Variants in LRMDA observed in about 807,000 individuals in gnomAD.
The protein encoded by LRMDA is leucine rich melanocyte differentiation associated.
A neutral mutation model predicts 29.8 loss-of-function variants in LRMDA; 18 were observed. The ratio of observed to expected loss-of-function variants is 0.60; its 90% confidence interval spans 0.42 to 0.90. The LOEUF is 0.90. Ranked by LOEUF, LRMDA falls within the 40% of genes least tolerant of loss-of-function variation. The probability of loss-of-function intolerance (pLI) is 0.00; values close to 1 mark genes in which losing one functional copy is unlikely to be tolerated. For missense variants in LRMDA, 273 were observed against 273.9 expected (o/e 1.00, Z 0.02); for synonymous variants, 125 against 109.4 (o/e 1.14, Z -0.89).
At chr10:76,320,474 T>C (rs1015661809) in intron 5 of LRMDA, among the ~76,000 whole-genome samples, 62 of 152,140 alleles carry the variant, frequency 4.1e-4, no homozygotes, top group African/African-American at 1.2e-3. Flanking sequence ...GGATATTTCA[T>C]CACAAAAAGT....
rs557409675 is a variant in LRMDA, at chr10:75,624,930, T to C, written c.131+186436T>C. Among the ~76,000 whole-genome samples the C allele has an allele frequency of 2.1e-4, 32 of 152,300 alleles. 1 individual carries two copies. The South Asian group carries it at 6.2e-3, about 30-fold the overall frequency. On this transcript the variant is annotated intron_variant, in intron 2 of 6. Coordinates refer to ENST00000611255, the MANE Select transcript of LRMDA (RefSeq NM_001305581.2). ...AACAATCCAGGAGACTTGTGGGCCA[T>C]GAAAAAGCCCCATTATTATAAATTG...
chr10:75,782,683 A>G, intron 2 of LRMDA: 5 of 1,183,704 alleles, frequency 4.2e-6, no homozygotes, highest in Non-Finnish European at 5.3e-6. Flanking sequence ...GTGCAGTTCC[A>G]AGTAGAGTCA....
intron 6 of LRMDA, among the ~76,000 whole-genome samples, chr10:76,488,922 A>G (rs1369374239): frequency 2.0e-5 from 3 of 151,886 alleles, no homozygotes; most frequent in Non-Finnish European, 4.4e-5. Flanking sequence ...TTTTGCATCA[A>G]TATTCATCAG....
At chr10:75,507,083 C>G (rs1414272408) in intron 2 of LRMDA, among the ~76,000 whole-genome samples, 1 of 150,922 alleles carries the variant, frequency 6.6e-6, no homozygotes. Context: ...GTTTGCTCAG[C>G]AGTGTACAAG....
intron 2 of LRMDA, among the ~76,000 whole-genome samples, chr10:75,923,759 C>T (rs1846067487): frequency 6.6e-6 from 1 of 152,122 alleles, no homozygotes; most frequent in Non-Finnish European, 1.5e-5. Context: ...CTTAAGACTC[C>T]TCTGTGTGTG....
chr10:76,259,332 G>T (rs918392205), intron 5 of LRMDA, among the ~76,000 whole-genome samples: 2 of 151,984 alleles, frequency 1.3e-5, no homozygotes, highest in Admixed American at 1.3e-4. Context: ...CTCATTGGTT[G>T]TTCAGGAGTA....
At chr10:75,890,724 A>G (rs540494461) in intron 2 of LRMDA, among the ~76,000 whole-genome samples, 2 of 152,162 alleles carry the variant, frequency 1.3e-5, no homozygotes, top group Non-Finnish European at 2.9e-5. Context: ...TGGCCATGGT[A>G]TAGAGCTACT....
Position 76,047,160 on chromosome 10 carries a change from TC to T in LRMDA, c.259-3del. On this transcript the variant is annotated splice_polypyrimidine_tract_variant and splice_region_variant and intron_variant, in intron 3 of 6. Coordinates refer to ENST00000611255, the MANE Select transcript of LRMDA (RefSeq NM_001305581.2). ...ACTGGACCAAGATTCTTAACCTTTGTCACATCACTGATTTGGAGAACCTGCT... is the reference window on the plus strand; with the variant it reads ...ACTGGACCAAGATTCTTAACCTTTGTACATCACTGATTTGGAGAACCTGCT... The T allele has an allele frequency of 1.2e-6, 2 of 1,613,960 alleles. No homozygotes were observed. Among genetic ancestry groups the T allele is most frequent in the Non-Finnish European group, 1.7e-6 (2 of 1,179,914 alleles).
intron 6 of LRMDA, among the ~76,000 whole-genome samples, chr10:76,356,965 A>G (rs1841248312): frequency 6.6e-6 from 1 of 152,176 alleles, no homozygotes; most frequent in South Asian, 2.1e-4. Context: ...GTTGGTAACA[A>G]AGAAAGTTGG....
At chr10:76,219,392 T>C (rs1314659759) in intron 5 of LRMDA, among the ~76,000 whole-genome samples, 2 of 151,878 alleles carry the variant, frequency 1.3e-5, no homozygotes, top group African/African-American at 2.4e-5. Flanking sequence ...GAGACACACA[T>C]AGGCTCAAAA....
chr10:75,622,943 T>C (rs748261600), intron 2 of LRMDA, among the ~76,000 whole-genome samples: 1 of 152,246 alleles, frequency 6.6e-6, no homozygotes, highest in South Asian at 2.1e-4. Flanking sequence ...AAATAAATTA[T>C]GTACAAGGTA....
intron 5 of LRMDA, among the ~76,000 whole-genome samples, chr10:76,107,807 G>C (rs1459780058): frequency 6.6e-6 from 1 of 152,134 alleles, no homozygotes; most frequent in East Asian, 1.9e-4. Context: ...TGCAGAATGT[G>C]CATGTTTGTT....
At chr10:76,478,923 A>T (rs1248729375) in intron 6 of LRMDA, among the ~76,000 whole-genome samples, 1 of 151,588 alleles carries the variant, frequency 6.6e-6, no homozygotes. Flanking sequence ...GGGGAGGGAT[A>T]GCATTAGGAG....
chr10:76,479,051 A>AATAT (rs941170783), intron 6 of LRMDA, among the ~76,000 whole-genome samples: 1 of 151,562 alleles, frequency 6.6e-6, no homozygotes, highest in South Asian at 2.1e-4. Context: ...GTATAATAAA[A>AATAT]ATATATATAT....
At chr10:75,834,413 T>G (rs1236153781) in intron 2 of LRMDA, among the ~76,000 whole-genome samples, 2 of 152,232 alleles carry the variant, frequency 1.3e-5, no homozygotes, top group African/African-American at 4.8e-5. Flanking sequence ...ACCCTGGCTT[T>G]CTTTCTAGAG....
chr10:76,226,364 C>G (rs1209136293), intron 5 of LRMDA, among the ~76,000 whole-genome samples: 2 of 152,026 alleles, frequency 1.3e-5, no homozygotes, highest in South Asian at 4.1e-4. Flanking sequence ...GGGTGGATCA[C>G]CTGAGGTCGG....
At chr10:76,401,296 G>A (rs755234758) in intron 6 of LRMDA, among the ~76,000 whole-genome samples, 8 of 152,180 alleles carry the variant, frequency 5.3e-5, no homozygotes, top group Non-Finnish European at 5.9e-5. Flanking sequence ...GAAGTGGTTT[G>A]TGGAACTATT....
intron 5 of LRMDA, among the ~76,000 whole-genome samples, chr10:76,190,013 TG>T (rs1208370465): frequency 6.6e-6 from 1 of 152,172 alleles, no homozygotes; most frequent in Non-Finnish European, 1.5e-5. Context: ...ACAGGTACTG[TG>T]GGACTTGTTT....
At chr10:76,405,881 C>T (rs76439119) in intron 6 of LRMDA, among the ~76,000 whole-genome samples, 1,721 of 152,270 alleles carry the variant, frequency 0.011, 40 homozygotes, top group African/African-American at 0.038. Flanking sequence ...TTTTCCCTGA[C>T]CTTCCATTTC....
Sources: allele counts gnomAD v4.1 joint callset (sites outside exome capture counted in the v4.1 genomes callset), GRCh38; gene constraint gnomAD v4.1.1; transcripts MANE v1.5; gene names NCBI Gene and HGNC (gene_info 2026-07-23, HGNC 2026-07-21).